RB1: variants seen among roughly 807,000 people sequenced by gnomAD.
RB1 encodes retinoblastoma-associated protein.
In RB1, 18 loss-of-function variants were observed where a neutral mutation model predicts 135.4. That is an observed-to-expected ratio of 0.13 (90% CI 0.09 to 0.20). The LOEUF is 0.20. Ranked by LOEUF, RB1 falls within the 10% of genes least tolerant of loss-of-function variation. The pLI, the probability that RB1 is intolerant of heterozygous loss-of-function variation, is 1.00. For synonymous variants in RB1, 365 were observed against 373.2 expected, an observed-to-expected ratio of 0.98 and a Z score of 0.25; for missense variants, 868 against 1,110.0, an observed-to-expected ratio of 0.78 and a Z score of 3.10.
chr13:48,369,788 C>A (rs1321218146), intron 11 of RB1, among the ~76,000 whole-genome samples: 3 of 152,100 alleles, frequency 2.0e-5, no homozygotes, highest in African/African-American at 7.2e-5. Flanking sequence ...AAAGATATTT[C>A]TCTCTGAAGT....
At position 48,376,912 on chromosome 13, in the gene RB1, C is replaced by T. The variant is rs1453083586; in HGVS notation, c.1216-6C>T. 12 of 1,613,174 alleles carry T rather than the reference C, an allele frequency of 7.4e-6. No individual in the cohort carries two copies. Among genetic ancestry groups the T allele is most frequent in the African/African-American group, 1.3e-5 (1 of 74,842 alleles). ...CGACATTGATTTCTGTTTTTACCTC[C>T]TAAAGAACTGCACAGTGAATCCAAA... On this transcript the variant is annotated splice_region_variant and splice_polypyrimidine_tract_variant and intron_variant, in intron 12 of 26. Transcript: ENST00000267163.
At chr13:48,351,255 G>T (rs1952544804) in intron 6 of RB1, among the ~76,000 whole-genome samples, 1 of 151,964 alleles carries the variant, frequency 6.6e-6, no homozygotes, top group South Asian at 2.1e-4. Flanking sequence ...GTTATTTTTT[G>T]ACTTTATAGT....
intron 17 of RB1, among the ~76,000 whole-genome samples, chr13:48,390,018 G>C (rs1948599455): frequency 6.6e-6 from 1 of 152,070 alleles, no homozygotes; most frequent in Non-Finnish European, 1.5e-5. Context: ...GCCAGGTGTG[G>C]TGGCACACAC....
At chr13:48,409,895 A>C (rs1167438059) in intron 17 of RB1, among the ~76,000 whole-genome samples, 1 of 152,148 alleles carries the variant, frequency 6.6e-6, no homozygotes, top group Non-Finnish European at 1.5e-5. Flanking sequence ...TTTTTAAAAA[A>C]GGAATATGTT....
At chr13:48,448,417 G>C (rs1278010950) in intron 17 of RB1, among the ~76,000 whole-genome samples, 1 of 152,080 alleles carries the variant, frequency 6.6e-6, no homozygotes, top group Non-Finnish European at 1.5e-5. Flanking sequence ...TGCCTCCATA[G>C]GAGACAACTC....
chr13:48,432,100 C>T (rs1357774134), intron 17 of RB1, among the ~76,000 whole-genome samples: 1 of 152,050 alleles, frequency 6.6e-6, no homozygotes, highest in Non-Finnish European at 1.5e-5. Context: ...AGGGGGTGGG[C>T]TTTTACTGTT....
chr13:48,338,498 C>T (rs1015906017), intron 2 of RB1, among the ~76,000 whole-genome samples: 3 of 152,230 alleles, frequency 2.0e-5, no homozygotes, highest in South Asian at 2.1e-4. Flanking sequence ...GCATTCATCA[C>T]GTAGTTCTCG....
rs939848853 is a variant in RB1, at chr13:48,476,075, A to G, written c.2521-626A>G. Among the ~76,000 whole-genome samples, 5 of 152,374 alleles carry G rather than the reference A, an allele frequency of 3.3e-5. No individual in the cohort carries two copies. The South Asian group carries it at 1.0e-3, about 32-fold the overall frequency. On this transcript the variant is annotated intron_variant, in intron 24 of 26. Transcript: ENST00000267163. ...TATATGTGCTCCAAATAGATTTACC[A>G]TCAAAACCTGTTTTGAATTTAATAT... is the stretch of plus-strand genomic sequence containing the variant.
intron 17 of RB1, among the ~76,000 whole-genome samples, chr13:48,430,180 T>C: frequency 6.6e-6 from 1 of 152,212 alleles, no homozygotes; most frequent in East Asian, 1.9e-4. Flanking sequence ...TTGCATTTCT[T>C]TAGTTATAAG....
intron 17 of RB1, among the ~76,000 whole-genome samples, chr13:48,383,654 T>C (rs552472518): frequency 7.9e-5 from 12 of 152,140 alleles, no homozygotes; most frequent in East Asian, 3.9e-4. Flanking sequence ...ACATGGGAAA[T>C]TGATAGAAGA....
At chr13:48,422,124 G>A (rs916504443) in intron 17 of RB1, among the ~76,000 whole-genome samples, 3 of 152,078 alleles carry the variant, frequency 2.0e-5, no homozygotes, top group African/African-American at 4.8e-5. Context: ...ACCCAAATGC[G>A]CATCAATGAT....
chr13:48,389,002 A>G (rs1948592359), intron 17 of RB1, among the ~76,000 whole-genome samples: 1 of 151,980 alleles, frequency 6.6e-6, no homozygotes, highest in Admixed American at 6.6e-5. Flanking sequence ...TCTACTAAAA[A>G]TACAAAAATT....
At chr13:48,356,255 C>T (rs549679007) in intron 6 of RB1, among the ~76,000 whole-genome samples, 2 of 152,068 alleles carry the variant, frequency 1.3e-5, no homozygotes, top group South Asian at 4.1e-4. Context: ...TTCATATATA[C>T]ATTTTGATTA....
intron 17 of RB1, among the ~76,000 whole-genome samples, chr13:48,423,137 TAAGTA>T (rs917233234): frequency 6.6e-6 from 1 of 152,142 alleles, no homozygotes; most frequent in Non-Finnish European, 1.5e-5. Context: ...CTCAAATAAA[TAAGTA>T]AATAAATAAA....
At chr13:48,379,691 G>A (rs2138141231) in intron 14 of RB1, 41 bp downstream of exon 14, 2 of 1,582,466 alleles carry the variant, frequency 1.3e-6, no homozygotes, top group South Asian at 1.1e-5. Flanking sequence ...GCCGGGCGCG[G>A]TGGCTCACGC....
At chr13:48,441,701 G>C (rs198567) in intron 17 of RB1, among the ~76,000 whole-genome samples, 138,036 of 152,216 alleles carry the variant, frequency 0.91, 63,589 homozygotes, top group East Asian at 1. Flanking sequence ...TAACAAAAAA[G>C]TTTAGCACTA....
At chr13:48,336,417 G>A (rs1030242820) in intron 2 of RB1, among the ~76,000 whole-genome samples, 3 of 151,916 alleles carry the variant, frequency 2.0e-5, no homozygotes, top group African/African-American at 7.3e-5. Flanking sequence ...GTCTTGGGAG[G>A]GTGTATGTGT....
At chr13:48,340,589 G>A (rs199853818) in intron 2 of RB1, among the ~76,000 whole-genome samples, 103 of 149,206 alleles carry the variant, frequency 6.9e-4, no homozygotes, top group Non-Finnish European at 7.4e-4. Flanking sequence ...GAGAGAGAGA[G>A]AAAAAAAAAG....
At chr13:48,453,221 A>T (rs571566404) in intron 18 of RB1, 110 bp downstream of exon 18, 2 of 1,126,588 alleles carry the variant, frequency 1.8e-6, no homozygotes, top group African/African-American at 3.1e-5. Flanking sequence ...TTTGAATAAG[A>T]ATAGTTTCTG....
Sources: allele counts gnomAD v4.1 joint callset (sites outside exome capture counted in the v4.1 genomes callset), GRCh38; gene constraint gnomAD v4.1.1; transcripts MANE v1.5; gene names NCBI Gene and HGNC (gene_info 2026-07-23, HGNC 2026-07-21).